CEP128: variants seen among roughly 807,000 people sequenced by gnomAD.
CEP128 encodes the protein centrosomal protein 128.
In CEP128, 132 loss-of-function variants were observed where a neutral mutation model predicts 156.7. That is an observed-to-expected ratio of 0.84 (90% confidence interval 0.73 to 0.97). CEP128 has a LOEUF of 0.97. Ranked by LOEUF, CEP128 falls within the 50% of genes least tolerant of loss-of-function variation. The pLI, the probability that CEP128 is intolerant of heterozygous loss-of-function variation, is 0.00. For missense variants in CEP128, 1,252 were observed against 1,281.9 expected, an observed-to-expected ratio of 0.98 and a Z score of 0.36; for synonymous variants, 469 against 448.9, an observed-to-expected ratio of 1.04 and a Z score of -0.57.
chr14:80,920,358 C>A (rs1884791176), intron 2 of CEP128, among the ~76,000 whole-genome samples: 1 of 152,154 alleles, frequency 6.6e-6, no homozygotes. Context: ...GAGGCTCACA[C>A]CACATAATCA....
At chr14:80,486,756 A>AT (rs1193196683), downstream of CEP128, among the ~76,000 whole-genome samples, 2 of 152,180 alleles carry the variant, frequency 1.3e-5, no homozygotes, top group East Asian at 3.9e-4. Flanking sequence ...AGAATTTCAT[A>AT]TCCAGCCAAA....
intron 4 of CEP128, among the ~76,000 whole-genome samples, chr14:80,911,187 A>G (rs1884191474): frequency 6.6e-6 from 1 of 152,212 alleles, no homozygotes; most frequent in South Asian, 2.1e-4. Context: ...TGCAAATAAC[A>G]GAAGTGATCA....
At chr14:80,733,748 G>T (rs1221136633) in intron 19 of CEP128, among the ~76,000 whole-genome samples, 2 of 152,008 alleles carry the variant, frequency 1.3e-5, no homozygotes, top group African/African-American at 2.4e-5. Flanking sequence ...TTCATGACAT[G>T]CATATGTTTA....
intron 21 of CEP128, among the ~76,000 whole-genome samples, chr14:80,555,869 T>C (rs1440488371): frequency 6.6e-6 from 1 of 151,934 alleles, no homozygotes; most frequent in East Asian, 1.9e-4. Flanking sequence ...CTTCTGAAAA[T>C]GCATTATCTT....
At chr14:80,662,252 T>G (rs150880340) in intron 19 of CEP128, among the ~76,000 whole-genome samples, 3 of 152,200 alleles carry the variant, frequency 2.0e-5, no homozygotes, top group Non-Finnish European at 4.4e-5. Flanking sequence ...TTACATGTTT[T>G]ATAGTGGCAA....
intron 2 of CEP128, chr14:80,955,639 C>T (rs199811084): frequency 6.2e-7 from 1 of 1,611,440 alleles, no homozygotes; most frequent in Admixed American, 1.7e-5. Context: ...GAGAATGAGG[C>T]GATTTCGGAG....
At chr14:80,824,930 G>C (rs1286082888) in intron 13 of CEP128, among the ~76,000 whole-genome samples, 1 of 152,144 alleles carries the variant, frequency 6.6e-6, no homozygotes, top group African/African-American at 2.4e-5. Flanking sequence ...CCCGAGACTG[G>C]GCAATTTACA....
chr14:80,860,605 T>C (rs1031784995), intron 9 of CEP128, among the ~76,000 whole-genome samples: 14 of 151,768 alleles, frequency 9.2e-5, no homozygotes, highest in African/African-American at 2.2e-4. Flanking sequence ...TGAGAACAAA[T>C]GTATAAAAAT....
At position 80,940,505 on chromosome 14, in the gene CEP128, C is replaced by CT. The variant is rs796121901; in HGVS notation, c.-171-966dup. ...TAAAATACACAAGAGATTTTGATGA[C>CT]TTAAAATATTTTTTTTTTTAATGTA... On this transcript the variant is annotated intron_variant, in intron 1 of 24. Transcript: ENST00000555265. 7.5e-5 allele frequency among the ~76,000 whole-genome samples: 11 copies of CT among 146,624 alleles called. No individual in the cohort carries two copies. In the South Asian group the frequency reaches 1.7e-3, roughly 23 times the overall value.
intron 19 of CEP128, among the ~76,000 whole-genome samples, chr14:80,596,842 A>AAAAAGGG (rs1555379468): frequency 2.9e-5 from 2 of 69,834 alleles, no homozygotes; most frequent in Non-Finnish European, 5.8e-5. Flanking sequence ...AAAAAAAAAA[A>AAAAAGGG]GGTGGGGGGG....
intron 19 of CEP128, among the ~76,000 whole-genome samples, chr14:80,615,680 C>G (rs985332982): frequency 3.9e-5 from 6 of 152,046 alleles, no homozygotes; most frequent in Non-Finnish European, 8.8e-5. Context: ...GAAACCCCAT[C>G]TCTACTAAAA....
chr14:80,788,288 C>CTTTTTTTTTTTTTTTTTTTTTTTTTTT (rs10628361), intron 14 of CEP128, among the ~76,000 whole-genome samples: 2 of 97,256 alleles, frequency 2.1e-5, no homozygotes, highest in African/African-American at 4.0e-5. Context: ...TGGCCAGGAT[C>CTTTTTTTTTTTTTTTTTTTTTTTTTTT]TTTTTTTTTT....
chr14:80,479,680 C>T (rs1887013994), intron 14 of CEP128, among the ~76,000 whole-genome samples: 1 of 152,136 alleles, frequency 6.6e-6, no homozygotes, highest in Non-Finnish European at 1.5e-5. Flanking sequence ...CTGGTCCCTC[C>T]AAACCTAACA....
At chr14:80,829,902 AT>A (rs561738829) in intron 13 of CEP128, among the ~76,000 whole-genome samples, 4 of 152,086 alleles carry the variant, frequency 2.6e-5, no homozygotes, top group African/African-American at 4.8e-5. Context: ...CATATTTGAG[AT>A]TTTTTTCCAA....
chr14:80,880,540 A>G (rs925940362), intron 8 of CEP128, among the ~76,000 whole-genome samples: 8 of 152,118 alleles, frequency 5.3e-5, no homozygotes, highest in African/African-American at 1.9e-4. Flanking sequence ...CTCTATTTGC[A>G]GAGGAAATGG....
chr14:80,603,306 T>C (rs1331597926), intron 19 of CEP128, among the ~76,000 whole-genome samples: 1 of 152,126 alleles, frequency 6.6e-6, no homozygotes, highest in African/African-American at 2.4e-5. Context: ...GGCAAATCCA[T>C]AGAGACAAAA....
chr14:80,596,992 A>G (rs1892357445), intron 19 of CEP128, among the ~76,000 whole-genome samples: 2 of 147,694 alleles, frequency 1.4e-5, no homozygotes, highest in Non-Finnish European at 3.0e-5. Context: ...TGAATACCCT[A>G]TGCTCCCACC....
chr14:80,526,071 C>T (rs1202179706), intron 23 of CEP128, among the ~76,000 whole-genome samples: 3 of 151,988 alleles, frequency 2.0e-5, no homozygotes, highest in Admixed American at 6.6e-5. Context: ...CAACAGGGGG[C>T]ATCTTTGCCC....
chr14:80,694,363 C>T (rs549800280), intron 19 of CEP128, among the ~76,000 whole-genome samples: 2 of 152,146 alleles, frequency 1.3e-5, no homozygotes, highest in South Asian at 4.1e-4. Flanking sequence ...GGATCTAGAA[C>T]CAGGAATACA....
Sources: gnomAD v4.1 joint callset for allele counts (sites outside exome capture counted in the v4.1 genomes callset) on GRCh38, gnomAD v4.1.1 for gene constraint, MANE v1.5 for transcripts, NCBI Gene and HGNC (gene_info 2026-07-23, HGNC 2026-07-21) for gene names.